Variants in PTCHD4 observed in about 807,000 individuals in gnomAD.
PTCHD4 encodes the protein patched domain containing 4, also known as patched domain-containing protein 4.
In PTCHD4, 33 loss-of-function variants were observed where a neutral mutation model predicts 58.1. The ratio of observed to expected loss-of-function variants is 0.57; its 90% CI spans 0.43 to 0.76. PTCHD4 has a LOEUF of 0.76. PTCHD4 is among the 30% of genes least tolerant of loss of function. PTCHD4 has a pLI of 0.00. For synonymous variants in PTCHD4, 478 were observed against 409.6 expected, an observed-to-expected ratio of 1.17 and a Z score of -2.02; for missense variants, 1,058 against 1,027.1, an observed-to-expected ratio of 1.03 and a Z score of -0.41.
In PTCHD4 at chr6:47,867,062, T is replaced by G. The variant is rs1315034858; in HGVS notation, c.*11241A>C. ...ATAGTACTTGTTTACAATGTTTTCTTTCTGGGAACAATCTATAAATCAGGG... is the reference window on the plus strand; with the variant it reads ...ATAGTACTTGTTTACAATGTTTTCTGTCTGGGAACAATCTATAAATCAGGG... On this transcript the variant is annotated 3_prime_UTR_variant, in exon 5 of 5. Transcript: ENST00000339488. 6.6e-6 allele frequency among the ~76,000 whole-genome samples: 1 copy of G among 151,856 alleles called. No homozygotes were observed. The highest frequency in any genetic ancestry group is 1.5e-5 in the Non-Finnish European group (1 of 67,866).
chr6:48,097,861 A>G (rs867671740), intron 1 of PTCHD4, among the ~76,000 whole-genome samples: 7 of 152,240 alleles, frequency 4.6e-5, no homozygotes, highest in African/African-American at 1.7e-4. Context: ...TTCTGAATAT[A>G]TGTGAAATAG....
In PTCHD4 at chr6:48,091,637, C is replaced by T. The variant is rs369919120; in HGVS notation, c.-970+19412G>A. On this transcript the variant is annotated intron_variant, in intron 1 of 4. Transcript: ENST00000339488. Reference sequence around the variant, plus strand: ...CTTCCCTCCCTCCCTCCCTCCCTTCCTCTTTCTTTCTCTCTTTCTTTCTTT... The same window carrying T: ...CTTCCCTCCCTCCCTCCCTCCCTTCTTCTTTCTTTCTCTCTTTCTTTCTTT... 1.2e-3 allele frequency among the ~76,000 whole-genome samples: 164 copies of T among 140,906 alleles called. 4 individuals are homozygous for T. The South Asian group carries it at 0.04, about 35-fold the overall frequency. 92.4% of individuals were successfully genotyped at this position (140,906 alleles called of 152,430 possible). A position where few individuals can be genotyped will look rare whatever the true frequency, so the allele number is the denominator to read the frequency against.
At chr6:47,951,495 C>A (rs1446876371) in intron 4 of PTCHD4, among the ~76,000 whole-genome samples, 3 of 152,188 alleles carry the variant, frequency 2.0e-5, no homozygotes. Context: ...TATATCACTG[C>A]AGCCATTTAC....
chr6:47,946,922 C>A (rs1054755515), intron 4 of PTCHD4, among the ~76,000 whole-genome samples: 1 of 152,132 alleles, frequency 6.6e-6, no homozygotes. Context: ...TAGCTCTTTG[C>A]AACCTTGACC....
At chr6:47,965,807 C>T (rs1234595536) in intron 4 of PTCHD4, among the ~76,000 whole-genome samples, 1 of 151,974 alleles carries the variant, frequency 6.6e-6, no homozygotes, top group East Asian at 1.9e-4. Flanking sequence ...CCCAGCTACT[C>T]GGGAGGCTGA....
At position 48,068,808 on chromosome 6, in the gene PTCHD4, C is replaced by A; in HGVS notation, c.5+145G>T. 1.6e-6 allele frequency: 1 copy of A among 634,938 alleles called. No homozygotes were observed. The highest frequency in any genetic ancestry group is 2.0e-5 in the South Asian group (1 of 49,676). The allele number at this position is 634,938 out of a possible 1,614,324, so 39.3% of individuals were successfully genotyped here. On this transcript the variant is annotated intron_variant, in intron 2 of 4. Transcript: ENST00000339488. The surrounding 1 kb of genome is among the most constrained non-coding windows in gnomAD (Gnocchi z 4.2). ...TTCCCCGGCCCCACCTCCATGCGCT[C>A]CTACTACTCTTTCAAACACTGCAGC...
Position 47,879,001 on chromosome 6 carries a change from T to C in PTCHD4, c.1834A>G (p.Ser612Gly). ...GTGATTTCTTTCTGCTTGTCTCTGCTAGTCCTGGCCACCAGATACAAGCGA... is the reference window on the plus strand; with the variant it reads ...GTGATTTCTTTCTGCTTGTCTCTGCCAGTCCTGGCCACCAGATACAAGCGA... ...ASRLYLVART[S>G]RDKQKEITEV... The change falls in exon 5 of 5, where the codon AGC becomes GGC. Residue 612 changes from serine to glycine, a missense_variant. Transcript: ENST00000339488. 1.5e-5 allele frequency: 24 copies of C among 1,613,378 alleles called. No individual in the cohort carries two copies. The highest frequency in any genetic ancestry group is 2.0e-5 in the Non-Finnish European group (24 of 1,179,756).
chr6:48,036,927 T>C (rs776042816), intron 3 of PTCHD4, among the ~76,000 whole-genome samples: 1 of 152,090 alleles, frequency 6.6e-6, no homozygotes, highest in Non-Finnish European at 1.5e-5. Flanking sequence ...CATTTGTGAG[T>C]GGAAGACATG....
intron 3 of PTCHD4, among the ~76,000 whole-genome samples, chr6:48,054,322 G>A (rs926257338): frequency 9.9e-5 from 15 of 152,112 alleles, no homozygotes; most frequent in African/African-American, 2.9e-4. Context: ...GTTGGAGTTG[G>A]CCTATAAATA....
chr6:47,924,825 T>G (rs1765545064), intron 4 of PTCHD4, among the ~76,000 whole-genome samples: 1 of 152,114 alleles, frequency 6.6e-6, no homozygotes, highest in African/African-American at 2.4e-5. Flanking sequence ...AAGCCTCTGA[T>G]CAAATGTTAC....
intron 4 of PTCHD4, among the ~76,000 whole-genome samples, chr6:47,994,979 G>C (rs2114044534): frequency 6.6e-6 from 1 of 152,242 alleles, no homozygotes; most frequent in South Asian, 2.1e-4. Flanking sequence ...TTACAGGAGG[G>C]AACAGTAGGG....
intron 1 of PTCHD4, among the ~76,000 whole-genome samples, chr6:48,103,623 A>T (rs990954258): frequency 1.3e-5 from 2 of 152,216 alleles, no homozygotes; most frequent in Non-Finnish European, 2.9e-5. Context: ...GAGTTGAGAG[A>T]GGAAGGCTTC....
intron 1 of PTCHD4, among the ~76,000 whole-genome samples, chr6:48,106,815 CAGAG>C (rs1481781206): frequency 3.3e-5 from 5 of 152,228 alleles, no homozygotes; most frequent in African/African-American, 9.6e-5. Flanking sequence ...AACAGACAAA[CAGAG>C]AGCCAAATGA....
intron 1 of PTCHD4, among the ~76,000 whole-genome samples, chr6:48,099,862 A>G (rs1043548779): frequency 6.6e-6 from 1 of 152,218 alleles, no homozygotes; most frequent in Non-Finnish European, 1.5e-5. Flanking sequence ...TTACTATGCA[A>G]ACAAATGTCT....
At position 47,869,271 on chromosome 6, in the gene PTCHD4, T is replaced by C. The variant is rs1763656461; in HGVS notation, c.*9032A>G. ...AATTATGCCCCAGCTTGAAACTGTATAGCGTGCAGCCAAAGGGATGTGCTT... is the reference window on the plus strand; with the variant it reads ...AATTATGCCCCAGCTTGAAACTGTACAGCGTGCAGCCAAAGGGATGTGCTT... On this transcript the variant is annotated 3_prime_UTR_variant, in exon 5 of 5. Coordinates refer to ENST00000339488, the MANE Select transcript of PTCHD4 (RefSeq NM_001384253.1). 1.3e-5 allele frequency among the ~76,000 whole-genome samples: 2 copies of C among 151,712 alleles called. No individual in the cohort carries two copies. The highest frequency in any genetic ancestry group is 3.0e-5 in the Non-Finnish European group (2 of 67,784).
At chr6:47,905,363 G>C (rs1463877675) in intron 4 of PTCHD4, among the ~76,000 whole-genome samples, 1 of 152,162 alleles carries the variant, frequency 6.6e-6, no homozygotes, top group East Asian at 1.9e-4. Context: ...GCTTAGTAGA[G>C]AGATGATGAT....
intron 1 of PTCHD4, among the ~76,000 whole-genome samples, chr6:48,093,792 T>C (rs1327296481): frequency 1.3e-5 from 2 of 152,092 alleles, no homozygotes; most frequent in African/African-American, 4.8e-5. Context: ...AACCTACTGG[T>C]CCATGAATAG....
chr6:47,971,291 A>G (rs1767497190), intron 4 of PTCHD4, among the ~76,000 whole-genome samples: 1 of 152,152 alleles, frequency 6.6e-6, no homozygotes, highest in Non-Finnish European at 1.5e-5. Context: ...GAACAATAAG[A>G]AACAAGAAAG....
In PTCHD4 at chr6:48,068,790, GC is replaced by G; in HGVS notation, c.6-150del. 1 of 692,646 alleles carries G rather than the reference GC, an allele frequency of 1.4e-6. No homozygotes were observed. Among genetic ancestry groups the G allele is most frequent in the Non-Finnish European group, 2.4e-6 (1 of 423,182 alleles). The allele number at this position is 692,646 out of a possible 1,614,324, so 42.9% of individuals were successfully genotyped here. A position where few individuals can be genotyped will look rare whatever the true frequency, so the allele number is the denominator to read the frequency against. ...AACCACTCCGCCTGGTCTTTCCCCG[GC>G]CCCACCTCCATGCGCTCCTACTACT... On this transcript the variant is annotated intron_variant, in intron 2 of 4. Transcript: ENST00000339488. The surrounding 1 kb of genome is among the most constrained non-coding windows in gnomAD (Gnocchi z 4.2).
Sources: gnomAD v4.1 joint callset for allele counts (sites outside exome capture counted in the v4.1 genomes callset) on GRCh38, gnomAD v4.1.1 for gene constraint, Gnocchi (gnomAD v3.1) non-coding constraint, MANE v1.5 for transcripts, NCBI Gene and HGNC (gene_info 2026-07-23, HGNC 2026-07-21) for gene names.